The following PTGR1 variants were observed in gnomAD, a reference collection of about 807,000 sequenced individuals.
The protein encoded by PTGR1 is 15-oxoprostaglandin 13-reductase.
A neutral mutation model predicts 37.7 loss-of-function variants in PTGR1; 23 were observed. The ratio of observed to expected loss-of-function variants is 0.61; its 90% CI spans 0.44 to 0.86. The LOEUF (loss-of-function observed/expected upper bound fraction) is 0.86. PTGR1 is among the 40% of genes least tolerant of loss of function. The probability of loss-of-function intolerance (pLI) is 0.00; values close to 1 mark genes in which losing one functional copy is unlikely to be tolerated. For missense variants in PTGR1, 351 were observed against 394.3 expected (o/e 0.89, Z 0.93); for synonymous variants, 134 against 140.0 (o/e 0.96, Z 0.30).
chr9:111,549,944 C>A (rs1827891040), intron 9 of PTGR1: 1 of 564,790 alleles, frequency 1.8e-6, no homozygotes, highest in Non-Finnish European at 3.1e-6. Flanking sequence ...ATACTTGTTT[C>A]TTTGTATGCA....
rs563357047 is a variant in PTGR1 at position 111,598,006 on chromosome 9, T to A, written c.-10-574A>T. On this transcript the variant is annotated intron_variant, in intron 1 of 9. Transcript: ENST00000407693. ...CATTTTCAGGTGCGTTTTTTTTTTT[T>A]TTAAATACTTTTTTTTCTCTCTTTT... 5.7e-3 allele frequency among the ~76,000 whole-genome samples: 864 copies of A among 151,932 alleles called. 1 individual carries two copies. The highest frequency in any genetic ancestry group is 0.024 in the Middle Eastern group (7 of 294).
chr9:111,592,742 C>T (rs1829656778), intron 4 of PTGR1, 184 bp downstream of exon 4: 2 of 720,872 alleles, frequency 2.8e-6, no homozygotes, highest in Non-Finnish European at 4.1e-6. Context: ...GACAATTTCA[C>T]ATCCTTCCCT....
intron 9 of PTGR1, chr9:111,563,509 CTTTTTTTTT>C (rs769286166): frequency 5.5e-6 from 1 of 181,002 alleles, no homozygotes; most frequent in East Asian, 1.3e-4. Context: ...CTTTTTCTTT[CTTTTTTTTT>C]TTTTTGAGAC....
At chr9:111,597,534 C>CA in intron 1 of PTGR1, 102 bp from the exon 2 acceptor site, 1 of 664,330 alleles carries the variant, frequency 1.5e-6, no homozygotes, top group South Asian at 1.9e-5. Flanking sequence ...ACAATATCCT[C>CA]AAATCCCATC....
At chr9:111,592,793 T>A in intron 4 of PTGR1, 133 bp downstream of exon 4, 1 of 1,234,982 alleles carries the variant, frequency 8.1e-7, no homozygotes, top group Non-Finnish European at 1.1e-6. Flanking sequence ...TTTCCCAAGT[T>A]GATTCCAAGA....
chr9:111,586,378 G>A (rs1364928714), intron 4 of PTGR1, among the ~76,000 whole-genome samples: 1 of 152,142 alleles, frequency 6.6e-6, no homozygotes, highest in Non-Finnish European at 1.5e-5. Context: ...AGGAAGGAGT[G>A]GCTCATGGGG....
In PTGR1 at chr9:111,562,633, G is replaced by A. The variant is rs1204088502; in HGVS notation, c.*488C>T. On this transcript the variant is annotated 3_prime_UTR_variant, in exon 10 of 10. Coordinates refer to ENST00000407693, the MANE Select transcript of PTGR1 (RefSeq NM_001146108.2). Reference sequence around the variant, plus strand: ...CAGTTCCGGGATAATTGTGTGGAATGTGCAGGTTTGTTACATAGGTAAACG... The same window carrying A: ...CAGTTCCGGGATAATTGTGTGGAATATGCAGGTTTGTTACATAGGTAAACG... 2 of 152,350 alleles carry A rather than the reference G, an allele frequency of 1.3e-5. No homozygotes were observed. The highest frequency in any genetic ancestry group is 2.4e-5 in the African/African-American group (1 of 41,374). 9.4% of individuals were successfully genotyped at this position (152,350 alleles called of 1,614,324 possible). A position where few individuals can be genotyped will look rare whatever the true frequency, so the allele number is the denominator to read the frequency against.
intron 2 of PTGR1, among the ~76,000 whole-genome samples, chr9:111,596,364 C>G (rs2132446575): frequency 6.6e-6 from 1 of 152,254 alleles, no homozygotes; most frequent in East Asian, 1.9e-4. Flanking sequence ...CCTTTAATCC[C>G]AGCACTTTGG....
chr9:111,586,397 G>A (rs941116161), intron 4 of PTGR1, among the ~76,000 whole-genome samples: 4 of 152,076 alleles, frequency 2.6e-5, no homozygotes, highest in African/African-American at 7.2e-5. Flanking sequence ...GGTGAGGAGC[G>A]CCTGTTCTCA....
intron 2 of PTGR1, among the ~76,000 whole-genome samples, chr9:111,595,618 C>T (rs1829757037): frequency 6.6e-6 from 1 of 152,118 alleles, no homozygotes; most frequent in Admixed American, 6.5e-5. Context: ...GTAAACACTC[C>T]TTAGAGACTC....
At position 111,574,858 on chromosome 9, in the gene PTGR1, A is replaced by C; in HGVS notation, c.652-16T>G. Reference sequence around the variant, plus strand: ...CTCCACCTACCTAAACAGATAGCAAAGACAAAATGTTAAATAATCTAAATA... The same window carrying C: ...CTCCACCTACCTAAACAGATAGCAACGACAAAATGTTAAATAATCTAAATA... On this transcript the variant is annotated splice_polypyrimidine_tract_variant and intron_variant, in intron 7 of 9. Transcript: ENST00000407693. 1 of 1,565,696 alleles carries C rather than the reference A, an allele frequency of 6.4e-7. No homozygotes were observed. Among genetic ancestry groups the C allele is most frequent in the South Asian group, 1.1e-5 (1 of 88,752 alleles).
chr9:111,584,556 G>A (rs1422507823), intron 5 of PTGR1, among the ~76,000 whole-genome samples: 3 of 152,080 alleles, frequency 2.0e-5, no homozygotes. Context: ...TTGTTTAGAG[G>A]TGACCATTTG....
chr9:111,578,131 A>G (rs79483630), intron 7 of PTGR1, among the ~76,000 whole-genome samples: 1 of 152,158 alleles, frequency 6.6e-6, no homozygotes, highest in African/African-American at 2.4e-5. Context: ...GCTGTTTTTT[A>G]AAAAAGGCAT....
At chr9:111,574,939 A>G (rs1828993983) in intron 7 of PTGR1, 97 bp from the exon 8 acceptor site, 1 of 931,666 alleles carries the variant, frequency 1.1e-6, no homozygotes, top group African/African-American at 1.7e-5. Flanking sequence ...TACCTGTTTT[A>G]GCAGCAACAA....
chr9:111,594,141 G>A (rs1483387941), intron 3 of PTGR1, 81 bp downstream of exon 3: 24 of 1,356,512 alleles, frequency 1.8e-5, no homozygotes, highest in African/African-American at 1.4e-5. Context: ...TTTTAAGTCA[G>A]TTGGATATTT....
Position 111,562,798 on chromosome 9 carries a change from T to C in PTGR1, c.*323A>G. ...AGCGTGTGTTGTTCCCCTCCCTATG[T>C]CCATGTGTTCTCATTGTTCAGCTCC... On this transcript the variant is annotated 3_prime_UTR_variant, in exon 10 of 10. Coordinates refer to ENST00000407693, the MANE Select transcript of PTGR1 (RefSeq NM_001146108.2). 1 of 348,350 alleles carries C rather than the reference T, an allele frequency of 2.9e-6. No homozygotes were observed. The allele number at this position is 348,350 out of a possible 1,614,324, so 21.6% of individuals were successfully genotyped here.
rs182196610 is a variant in PTGR1, at chr9:111,581,827, T to G, written c.495+1645A>C. On this transcript the variant is annotated intron_variant, in intron 6 of 9. Coordinates refer to ENST00000407693, the MANE Select transcript of PTGR1 (RefSeq NM_001146108.2). ...AATTAAAAGGCATTTTCAGATGTCA[T>G]AACCAAAAAGTTTTAATGATAATGA... is the stretch of plus-strand genomic sequence containing the variant. 2.0e-5 allele frequency among the ~76,000 whole-genome samples: 3 copies of G among 152,208 alleles called. No homozygotes were observed. The East Asian group carries it at 5.8e-4, about 29-fold the overall frequency.
chr9:111,573,524 C>T (rs143383112), intron 8 of PTGR1, among the ~76,000 whole-genome samples: 76 of 152,296 alleles, frequency 5.0e-4, no homozygotes, highest in Non-Finnish European at 8.5e-4. Context: ...TTGCCTGGAT[C>T]CTGATTAGAG....
downstream of PTGR1, among the ~76,000 whole-genome samples, chr9:111,558,720 A>T (rs2132301843): frequency 6.6e-6 from 1 of 152,236 alleles, no homozygotes; most frequent in South Asian, 2.1e-4. Flanking sequence ...ACACTCATTT[A>T]TATGTGTGTC....
Sources: gnomAD v4.1 joint callset for allele counts (sites outside exome capture counted in the v4.1 genomes callset) on GRCh38, gnomAD v4.1.1 for gene constraint, MANE v1.5 for transcripts, NCBI Gene and HGNC (gene_info 2026-07-23, HGNC 2026-07-21) for gene names.